TYW2: variants seen among roughly 807,000 people sequenced by gnomAD.
The protein encoded by TYW2 is tRNA wybutosine-synthesizing protein 2 homolog.
chr8:124,451,547 G>A, the TYW2 span: 52 of 1,614,094 alleles, frequency 3.2e-5, no homozygotes, highest in South Asian at 8.8e-5. Flanking sequence ...AATGGTATCC[G>A]TTATAAGTTT....
At chr8:124,451,194 C>T in the TYW2 span, 1 of 1,614,060 alleles carries the variant, frequency 6.2e-7, no homozygotes, top group South Asian at 1.1e-5. Context: ...TCACGCAGCT[C>T]CCGGATCCTG....
chr8:124,451,106 CG>C, the TYW2 span: 1 of 1,614,050 alleles, frequency 6.2e-7, no homozygotes, highest in Non-Finnish European at 8.5e-7. Flanking sequence ...GTGGCGCTAC[CG>C]GTGCTGGGAG....
At chr8:124,450,911 G>A in the TYW2 span, 1 of 1,601,586 alleles carries the variant, frequency 6.2e-7, no homozygotes, top group East Asian at 2.2e-5. Context: ...CTGAGGAGAT[G>A]GAGTATCGCT....
At chr8:124,451,597 G>T in the TYW2 span, 1 of 1,614,192 alleles carries the variant, frequency 6.2e-7, no homozygotes, top group Non-Finnish European at 8.5e-7. Context: ...AAACATCACT[G>T]AGAAGCTTCG....
chr8:124,453,011 T>C, the TYW2 span: 1 of 160,558 alleles, frequency 6.2e-6, no homozygotes, highest in Non-Finnish European at 1.5e-5. Flanking sequence ...ATAAATTTGG[T>C]TTGTTGTGGT....
At chr8:124,452,490 T>C in the TYW2 span, 2 of 544,632 alleles carry the variant, frequency 3.7e-6, no homozygotes, top group Non-Finnish European at 6.6e-6. Context: ...GCATGGCCCA[T>C]TGAAATGAGG....
chr8:124,452,314 T>C, the TYW2 span: 1 of 1,593,362 alleles, frequency 6.3e-7, no homozygotes, highest in Non-Finnish European at 8.6e-7. Flanking sequence ...CACGTGCGAG[T>C]GGCCCTTAAA....
At chr8:124,452,354 T>C in the TYW2 span, 1 of 1,428,838 alleles carries the variant, frequency 7.0e-7, no homozygotes, top group South Asian at 1.3e-5. Context: ...TTGTCATCCC[T>C]TTTGTCCCCT....
At chr8:124,451,066 C>T in the TYW2 span, 1 of 1,614,210 alleles carries the variant, frequency 6.2e-7, no homozygotes, top group Non-Finnish European at 8.5e-7. Flanking sequence ...TGATACACAG[C>T]ACCGTGTGGA....
chr8:124,452,589 C>A, the TYW2 span: 1 of 319,342 alleles, frequency 3.1e-6, no homozygotes, highest in Non-Finnish European at 6.1e-6. Flanking sequence ...TCGTTATTTG[C>A]AAAATGAGAG....
At chr8:124,451,184 T>G in the TYW2 span, 2 of 1,613,972 alleles carry the variant, frequency 1.2e-6, no homozygotes, top group Non-Finnish European at 1.7e-6. Flanking sequence ...CCCTGTATGC[T>G]CACGCAGCTC....
the TYW2 span, chr8:124,452,367 T>A: frequency 3.8e-6 from 5 of 1,329,538 alleles, no homozygotes; most frequent in Non-Finnish European, 5.1e-6. Context: ...TGTCCCCTGG[T>A]GATCAGTTTT....
chr8:124,451,889 C>T, the TYW2 span: 1 of 1,614,158 alleles, frequency 6.2e-7, no homozygotes. Context: ...TGGCCCATTG[C>T]CTGCCAAGTG....
the TYW2 span, chr8:124,452,619 G>C: frequency 3.8e-6 from 1 of 260,590 alleles, no homozygotes; most frequent in East Asian, 9.7e-5. Flanking sequence ...ACTGTCTCAC[G>C]TGACTATTAA....
At chr8:124,450,893 A>G in the TYW2 span, 1 of 1,576,858 alleles carries the variant, frequency 6.3e-7, no homozygotes, top group Non-Finnish European at 8.6e-7. Flanking sequence ...CAGCCTGGTG[A>G]GCCGACTCTG....
At chr8:124,451,617 GT>G in the TYW2 span, 3 of 1,614,200 alleles carry the variant, frequency 1.9e-6, no homozygotes, top group Non-Finnish European at 1.7e-6. Context: ...GAGTGGCATC[GT>G]TGTCCTGTGC....
At chr8:124,451,866 C>T in the TYW2 span, 2 of 1,614,188 alleles carry the variant, frequency 1.2e-6, no homozygotes, top group Non-Finnish European at 1.7e-6. Context: ...TGATTCCCAG[C>T]TCTGAAGAAG....
the TYW2 span, chr8:124,452,092 A>G: frequency 1.9e-6 from 3 of 1,614,134 alleles, no homozygotes; most frequent in African/African-American, 1.3e-5. Context: ...ACCAGCCACC[A>G]AGCCAGAGTG....
chr8:124,451,242 A>G, the TYW2 span: 1 of 1,614,100 alleles, frequency 6.2e-7, no homozygotes, highest in African/African-American at 1.3e-5. Context: ...CACCTGCCCA[A>G]AAATTGTGTC....
Sources: gnomAD v4.1 joint callset for allele counts on GRCh38, gnomAD v4.1.1 for gene constraint, MANE v1.5 for transcripts, NCBI Gene and HGNC (gene_info 2026-07-23, HGNC 2026-07-21) for gene names.